CELF2: variants seen among roughly 807,000 people sequenced by gnomAD.
The protein encoded by CELF2 is CUG triplet repeat RNA-binding protein 2.
A neutral mutation model predicts 62.6 loss-of-function variants in CELF2; 8 were observed. The ratio of observed to expected loss-of-function variants is 0.13; its 90% CI spans 0.07 to 0.23. The LOEUF is 0.23. Among genes scored for constraint, CELF2 ranks in the 10% least tolerant of loss-of-function variants. CELF2 has a pLI of 1.00. For missense variants in CELF2, 333 were observed against 671.0 expected (o/e 0.50, Z 5.56); for synonymous variants, 258 against 250.0 (o/e 1.03, Z -0.30).
the CELF2 span, among the ~76,000 whole-genome samples, chr10:10,791,640 A>G: frequency 6.6e-6 from 1 of 152,196 alleles, no homozygotes; most frequent in Non-Finnish European, 1.5e-5. Context: ...CTAGTTCAGT[A>G]TAGATTCTAA....
intron 3 of CELF2, among the ~76,000 whole-genome samples, chr10:11,232,116 A>G (rs1233983595): frequency 1.3e-5 from 2 of 152,030 alleles, no homozygotes; most frequent in African/African-American, 2.4e-5. Flanking sequence ...AACATTAGGT[A>G]TATCTCCTAA....
At chr10:10,541,337 C>T in the CELF2 span, among the ~76,000 whole-genome samples, 1 of 151,766 alleles carries the variant, frequency 6.6e-6, no homozygotes, top group Non-Finnish European at 1.5e-5. Context: ...CACATCCAGG[C>T]TTCAAGAGAG....
Position 10,972,717 on chromosome 10 carries a change from C to T in CELF2, c.89+52718C>T, listed in dbSNP as rs1490847343. On this transcript the variant is annotated intron_variant, in intron 2 of 13. Transcript: ENST00000636488. This position sits in a 1 kb window ranked among gnomAD's most constrained non-coding sequence, Gnocchi z 4.4. ...CTGGCTGCTCCTGGGGCACTTCAAA[C>T]TCAACGAGCCTCCAACTCACAAGGT... 1.3e-5 allele frequency among the ~76,000 whole-genome samples: 2 copies of T among 152,168 alleles called. No homozygotes were observed. The highest frequency in any genetic ancestry group is 6.5e-5 in the Admixed American group (1 of 15,280).
At chr10:10,888,738 G>A (rs1320541768) in intron 1 of CELF2, among the ~76,000 whole-genome samples, 2 of 152,032 alleles carry the variant, frequency 1.3e-5, no homozygotes, top group African/African-American at 4.8e-5. Context: ...TAGTAACCTC[G>A]GGCTTGCCCT....
At position 11,244,876 on chromosome 10, in the gene CELF2, G is replaced by T. The variant is rs913750632; in HGVS notation, c.355-4277G>T. Among the ~76,000 whole-genome samples, 1 of 152,102 alleles carries T rather than the reference G, an allele frequency of 6.6e-6. No homozygotes were observed. Among genetic ancestry groups the T allele is most frequent in the Non-Finnish European group, 1.5e-5 (1 of 68,024 alleles). On this transcript the variant is annotated intron_variant, in intron 3 of 12. Transcript: ENST00000633077. This position sits in a 1 kb window ranked among gnomAD's most constrained non-coding sequence, Gnocchi z 4.2. ...ATGCAGACATAGCTTCATCTGAGAC[G>T]CCTTCCCCAGCGTGTCCTTCCTCCA... is the stretch of plus-strand genomic sequence containing the variant.
chr10:10,942,793 G>A (rs1376020773), intron 2 of CELF2, among the ~76,000 whole-genome samples: 1 of 152,168 alleles, frequency 6.6e-6, no homozygotes, highest in Non-Finnish European at 1.5e-5. Context: ...TGCAATAAAT[G>A]CTAAGTTTTA....
chr10:10,625,191 T>C, the CELF2 span, among the ~76,000 whole-genome samples: 5 of 150,880 alleles, frequency 3.3e-5, no homozygotes, highest in Admixed American at 3.3e-4. Context: ...CATGTAGGTA[T>C]GGTATTGATA....
chr10:11,009,322 TGTGTGTGTGTGTGTGCGCGTGTGTGTGA>T, intron 1 of CELF2, among the ~76,000 whole-genome samples: 1 of 134,146 alleles, frequency 7.5e-6, no homozygotes, highest in South Asian at 2.1e-4. Context: ...GGAAGTTGTG[TGTGTGTGTGTGTGTGCGCGTGTGTGTGA>T]GTGTGTGTGT....
At chr10:10,866,204 G>A (rs954749485) in intron 1 of CELF2, among the ~76,000 whole-genome samples, 1 of 152,042 alleles carries the variant, frequency 6.6e-6, no homozygotes, top group Non-Finnish European at 1.5e-5. Context: ...CATACAATTG[G>A]ACAAGGCCTA....
chr10:11,204,173 T>C (rs1465315847), intron 2 of CELF2, among the ~76,000 whole-genome samples: 1 of 152,170 alleles, frequency 6.6e-6, no homozygotes, highest in Non-Finnish European at 1.5e-5. Context: ...CCCCTAAAAT[T>C]GTACAGTGGA....
chr10:10,741,290 A>G, the CELF2 span, among the ~76,000 whole-genome samples: 1 of 152,054 alleles, frequency 6.6e-6, no homozygotes, highest in African/African-American at 2.4e-5. Flanking sequence ...AGGCAGGCAG[A>G]TCACGATGTC....
rs370444520 is a variant in CELF2 at position 10,873,612 on chromosome 10, G to A, written c.54-46352G>A. On this transcript the variant is annotated intron_variant, in intron 1 of 13. Transcript: ENST00000636488. ...ACCAAGGCTCTCCTATTCAAAATTG[G>A]GGCTGCATGAAGGGTGGAAGTTTAT... Among the ~76,000 whole-genome samples the A allele has an allele frequency of 8.5e-5, 13 of 152,270 alleles. No individual in the cohort carries two copies. The East Asian group carries it at 2.3e-3, about 27-fold the overall frequency.
intron 1 of CELF2, among the ~76,000 whole-genome samples, chr10:10,859,254 T>C (rs1172331329): frequency 2.6e-5 from 4 of 152,168 alleles, no homozygotes; most frequent in African/African-American, 9.7e-5. Context: ...CAAGGCTTGG[T>C]TGAGGGCTCA....
chr10:10,470,229 G>A, the CELF2 span, among the ~76,000 whole-genome samples: 2 of 151,746 alleles, frequency 1.3e-5, no homozygotes. Flanking sequence ...ATCTCTAGTA[G>A]TATCTCTACC....
intron 1 of CELF2, among the ~76,000 whole-genome samples, chr10:11,150,418 A>G (rs1212844608): frequency 6.6e-6 from 1 of 152,202 alleles, no homozygotes; most frequent in Admixed American, 6.5e-5. Flanking sequence ...CTTCATAATC[A>G]TACTTGAATG....
chr10:11,027,012 G>A (rs1352644994), intron 1 of CELF2, among the ~76,000 whole-genome samples: 1 of 152,184 alleles, frequency 6.6e-6, no homozygotes. Flanking sequence ...TGCTGCAGCT[G>A]TGTTTGCCTT....
chr10:10,603,784 T>TACATAC, the CELF2 span, among the ~76,000 whole-genome samples: 1,264 of 148,538 alleles, frequency 8.5e-3, 17 homozygotes, highest in African/African-American at 0.028. Flanking sequence ...TATTTACACA[T>TACATAC]ACACACACAC....
intron 1 of CELF2, among the ~76,000 whole-genome samples, chr10:10,915,955 C>T (rs533990062): frequency 5.9e-5 from 9 of 152,290 alleles, no homozygotes; most frequent in East Asian, 5.8e-4. Flanking sequence ...AGATGATTTA[C>T]GCTTAGGAAG....
Position 11,324,887 on chromosome 10 carries a change from C to A in CELF2, c.1295-949C>A, listed in dbSNP as rs894170082. 3.9e-5 allele frequency among the ~76,000 whole-genome samples: 6 copies of A among 152,222 alleles called. No individual in the cohort carries two copies. The highest frequency in any genetic ancestry group is 1.4e-4 in the African/African-American group (6 of 41,448). On this transcript the variant is annotated intron_variant, in intron 11 of 12. Coordinates refer to ENST00000633077, the MANE Select transcript of CELF2 (RefSeq NM_001326342.2). The surrounding 1 kb of genome is among the most constrained non-coding windows in gnomAD (Gnocchi z 4.7). The stretch of plus-strand genomic sequence containing the variant: ...ATTCCTGACCCGCTGCAGAAGTCGC[C>A]TCACCAGTTCTGTGAGCGCCCCTCC...
Sources: gnomAD v4.1 joint callset for allele counts (sites outside exome capture counted in the v4.1 genomes callset) on GRCh38, gnomAD v4.1.1 for gene constraint, Gnocchi (gnomAD v3.1) non-coding constraint, MANE v1.5 for transcripts, NCBI Gene and HGNC (gene_info 2026-07-23, HGNC 2026-07-21) for gene names.